Variants in OTUD6B observed in about 807,000 individuals in gnomAD.
OTUD6B encodes OTU deubiquitinase 6B.
Under a neutral mutation model 36.9 loss-of-function variants are expected in OTUD6B, and 41 were observed. The observed-to-expected ratio is 1.11, with a 90% confidence interval of 0.87 to 1.44. The LOEUF is 1.44. OTUD6B is among the 40% of genes most tolerant of loss of function. The pLI is 0.00. For missense variants in OTUD6B, 356 were observed against 344.8 expected, an observed-to-expected ratio of 1.03 and a Z score of -0.26; for synonymous variants, 114 against 114.2, an observed-to-expected ratio of 1.00 and a Z score of 0.01.
chr8:91,080,353 A>G (rs887359321), intron 4 of OTUD6B, among the ~76,000 whole-genome samples: 1 of 152,074 alleles, frequency 6.6e-6, no homozygotes, highest in Non-Finnish European at 1.5e-5. Context: ...AAGATAGTGA[A>G]TATGGTGGCA....
chr8:91,076,834 A>G (rs1812811465), intron 3 of OTUD6B: 3 of 682,384 alleles, frequency 4.4e-6, no homozygotes, highest in Admixed American at 2.1e-5. Context: ...CCACAGTTCT[A>G]GGTACACAGT....
chr8:91,075,892 C>G (rs1223431465), intron 3 of OTUD6B, among the ~76,000 whole-genome samples: 1 of 152,010 alleles, frequency 6.6e-6, no homozygotes, highest in Non-Finnish European at 1.5e-5. Flanking sequence ...AAAACTTTGT[C>G]AAGATTTATT....
intron 2 of OTUD6B, 49 bp from the exon 3 acceptor site, chr8:91,073,782 A>G: frequency 6.7e-7 from 1 of 1,489,746 alleles, no homozygotes; most frequent in Admixed American, 2.1e-5. Flanking sequence ...TATGATTTTC[A>G]GTAATTTAAT....
chr8:91,081,156 T>A (rs1321910493), intron 5 of OTUD6B, among the ~76,000 whole-genome samples: 1 of 146,788 alleles, frequency 6.8e-6, no homozygotes, highest in Non-Finnish European at 1.5e-5. Context: ...AAAAAAAAAA[T>A]TATGTGAAAT....
intron 6 of OTUD6B, 68 bp downstream of exon 6, chr8:91,084,182 TA>T (rs2130447029): frequency 2.2e-6 from 2 of 909,688 alleles, no homozygotes; most frequent in South Asian, 3.5e-5. Flanking sequence ...TTAAAAAATT[TA>T]GATTATATGT....
chr8:91,081,811 C>CTGTGTATGTGG (rs1472301941), intron 5 of OTUD6B, among the ~76,000 whole-genome samples: 1 of 152,024 alleles, frequency 6.6e-6, no homozygotes, highest in Non-Finnish European at 1.5e-5. Context: ...TGTGTATGTG[C>CTGTGTATGTGG]ATTTCCACCA....
intron 5 of OTUD6B, among the ~76,000 whole-genome samples, chr8:91,082,687 G>A (rs1041444752): frequency 3.3e-5 from 5 of 150,732 alleles, no homozygotes; most frequent in African/African-American, 9.8e-5. Context: ...TTATTGAGAG[G>A]ATTAAAGGAA....
At chr8:91,080,781 A>G in intron 5 of OTUD6B, 51 bp downstream of exon 5, 2 of 1,343,724 alleles carry the variant, frequency 1.5e-6, no homozygotes, top group Non-Finnish European at 2.1e-6. Context: ...TTATTTCTAA[A>G]TCCCTTCTGT....
intron 3 of OTUD6B, among the ~76,000 whole-genome samples, chr8:91,075,485 C>T (rs947802646): frequency 1.3e-5 from 2 of 152,006 alleles, no homozygotes; most frequent in African/African-American, 4.8e-5. Flanking sequence ...TGTTCCTCCC[C>T]AGCTGGACCT....
In OTUD6B at chr8:91,085,548, A is replaced by T. The variant is rs560100109; in HGVS notation, c.*680A>T. 6.6e-6 allele frequency: 1 copy of T among 152,138 alleles called. No individual in the cohort carries two copies. The highest frequency in any genetic ancestry group is 2.4e-5 in the African/African-American group (1 of 41,542). The allele number at this position is 152,138 out of a possible 1,614,324, so 9.4% of individuals were successfully genotyped here. Reference sequence around the variant, plus strand: ...AATTTAAATCTCTAAAGAATTAGAGATTAGTTTTTTATTTGTGTATAATTT... The same window carrying T: ...AATTTAAATCTCTAAAGAATTAGAGTTTAGTTTTTTATTTGTGTATAATTT... On this transcript the variant is annotated 3_prime_UTR_variant, in exon 7 of 7. Coordinates refer to ENST00000404789, the MANE Select transcript of OTUD6B (RefSeq NM_016023.5).
rs758246411 is a variant in OTUD6B, at chr8:91,085,353, G to T, written c.*485G>T. On this transcript the variant is annotated 3_prime_UTR_variant, in exon 7 of 7. Transcript: ENST00000404789. ...AATGAACTTGATTGCAGTAACCATGGTATCGATGAGACTAATGCAGTGAAG... is the reference window on the plus strand; with the variant it reads ...AATGAACTTGATTGCAGTAACCATGTTATCGATGAGACTAATGCAGTGAAG... The T allele has an allele frequency of 6.6e-6, 1 of 151,898 alleles. No homozygotes were observed. Among genetic ancestry groups the T allele is most frequent in the African/African-American group, 2.4e-5 (1 of 41,390 alleles). 9.4% of individuals were successfully genotyped at this position (151,898 alleles called of 1,614,324 possible). A position where few individuals can be genotyped will look rare whatever the true frequency, so the allele number is the denominator to read the frequency against.
In OTUD6B at chr8:91,085,060, TAA is replaced by T. The variant is rs1229562313; in HGVS notation, c.*196_*197del. On this transcript the variant is annotated 3_prime_UTR_variant, in exon 7 of 7. Transcript: ENST00000404789. The stretch of plus-strand genomic sequence containing the variant: ...AACCAGTGTCTTCTTAGTGGAATTT[TAA>T]AAATTTGTTAAGTTCATTGTAGAGA... The T allele has an allele frequency of 1.2e-5, 4 of 334,444 alleles. No individual in the cohort carries two copies. The highest frequency in any genetic ancestry group is 4.9e-5 in the Admixed American group (1 of 20,588). 20.7% of individuals were successfully genotyped at this position (334,444 alleles called of 1,614,324 possible).
chr8:91,078,209 C>T (rs931569899), intron 3 of OTUD6B, 147 bp from the exon 4 acceptor site: 2 of 1,421,016 alleles, frequency 1.4e-6, no homozygotes, highest in African/African-American at 2.9e-5. Context: ...GTAGAAAATT[C>T]TTGAGATGAT....
chr8:91,070,717 A>G (rs1033460156), intron 1 of OTUD6B, among the ~76,000 whole-genome samples: 2 of 151,930 alleles, frequency 1.3e-5, no homozygotes, highest in African/African-American at 4.8e-5. Context: ...GTGTCTGAAA[A>G]TACCTAGAAG....
chr8:91,079,977 T>A (rs566120891), intron 4 of OTUD6B, among the ~76,000 whole-genome samples: 30 of 152,238 alleles, frequency 2.0e-4, no homozygotes, highest in South Asian at 8.3e-4. Context: ...TTTCTTTCCT[T>A]CCATCTCTGT....
intron 2 of OTUD6B, 122 bp from the exon 3 acceptor site, chr8:91,073,709 C>T: frequency 8.0e-7 from 1 of 1,249,420 alleles, no homozygotes; most frequent in Non-Finnish European, 1.0e-6. Flanking sequence ...GAGACAAAAC[C>T]ATATTATCTA....
intron 2 of OTUD6B, among the ~76,000 whole-genome samples, chr8:91,071,898 A>G (rs567814517): frequency 6.6e-4 from 100 of 152,348 alleles, no homozygotes; most frequent in Admixed American, 2.0e-3. Context: ...ATGGGATTGT[A>G]ACCTGAGCAA....
chr8:91,074,171 A>G (rs1034646228), intron 3 of OTUD6B, among the ~76,000 whole-genome samples: 8 of 152,184 alleles, frequency 5.3e-5, no homozygotes, highest in Non-Finnish European at 1.5e-5. Flanking sequence ...GAAGAAAATG[A>G]TCCTAAGATA....
At chr8:91,083,674 G>A (rs1271038697) in intron 5 of OTUD6B, among the ~76,000 whole-genome samples, 1 of 152,124 alleles carries the variant, frequency 6.6e-6, no homozygotes, top group Non-Finnish European at 1.5e-5. Context: ...TTCATGGTGT[G>A]TGTGTAAGAT....
Sources: allele counts gnomAD v4.1 joint callset (sites outside exome capture counted in the v4.1 genomes callset), GRCh38; gene constraint gnomAD v4.1.1; transcripts MANE v1.5; gene names NCBI Gene and HGNC (gene_info 2026-07-23, HGNC 2026-07-21).